The following RBFOX1 variants were observed in gnomAD, a reference collection of about 807,000 sequenced individuals.
RBFOX1 encodes RNA binding fox-1 homolog 1, also known as RNA binding protein fox-1 homolog 1.
A neutral mutation model predicts 57.7 loss-of-function variants in RBFOX1; 8 were observed. The ratio of observed to expected loss-of-function variants is 0.14; its 90% CI spans 0.08 to 0.25. RBFOX1 has a LOEUF of 0.25. Among genes scored for constraint, RBFOX1 ranks in the 10% least tolerant of loss-of-function variants. The probability of loss-of-function intolerance (pLI) is 1.00; values close to 1 mark genes in which losing one functional copy is unlikely to be tolerated. For missense variants in RBFOX1, 611 were observed against 548.5 expected, an observed-to-expected ratio of 1.11 and a Z score of -1.14; for synonymous variants, 326 against 222.4, an observed-to-expected ratio of 1.47 and a Z score of -4.15.
rs1599908734 is a variant in RBFOX1, at chr16:7,494,243, C to T, written c.28-23904C>T. On this transcript the variant is annotated intron_variant, in intron 4 of 15. Transcript: ENST00000550418. ...AGATGAGATTGGCCTTGCTGAAGCA[C>T]AGGCAAGCATCCCATTAAATGCTTT... Among the ~76,000 whole-genome samples, 8 of 152,286 alleles carry T rather than the reference C, an allele frequency of 5.3e-5. No individual in the cohort carries two copies. In the South Asian group the frequency reaches 1.5e-3, roughly 28 times the overall value.
chr16:7,570,736 G>C (rs1451840436), intron 5 of RBFOX1, among the ~76,000 whole-genome samples: 5 of 151,936 alleles, frequency 3.3e-5, no homozygotes, highest in African/African-American at 1.2e-4. Context: ...CCAATTTCTG[G>C]GTATATACCA....
At chr16:7,364,579 A>C (rs2097400399) in intron 4 of RBFOX1, among the ~76,000 whole-genome samples, 1 of 150,616 alleles carries the variant, frequency 6.6e-6, no homozygotes, top group Non-Finnish European at 1.5e-5. Context: ...GAAGACCAAA[A>C]AAAAAAAAAA....
chr16:7,663,154 C>T (rs1019152907), intron 12 of RBFOX1, among the ~76,000 whole-genome samples: 1 of 152,206 alleles, frequency 6.6e-6, no homozygotes, highest in Non-Finnish European at 1.5e-5. Context: ...TTTCATCAGA[C>T]CTTGGCAGAG....
At chr16:5,629,646 G>T (rs1198041086) in intron 3 of RBFOX1, among the ~76,000 whole-genome samples, 1 of 152,266 alleles carries the variant, frequency 6.6e-6, no homozygotes, top group South Asian at 2.1e-4. Context: ...TGGGGTCTTG[G>T]TATGATAATA....
rs142226707 is a variant in RBFOX1 at position 5,551,025 on chromosome 16, C to A, written c.259-47877C>A. Among the ~76,000 whole-genome samples the A allele has an allele frequency of 1.1e-3, 162 of 152,302 alleles. 1 individual carries two copies. Among genetic ancestry groups the A allele is most frequent in the African/African-American group, 3.7e-3 (155 of 41,566 alleles). On this transcript the variant is annotated intron_variant, in intron 2 of 2. Transcript: ENST00000585867. ...ACTCTCTGTAATAAAGCATATCAAA[C>A]GCTCAGGGAACTGTGGGGAGGCAAC...
intron 3 of RBFOX1, among the ~76,000 whole-genome samples, chr16:6,966,937 A>G (rs1285245945): frequency 5.7e-5 from 8 of 141,086 alleles, no homozygotes; most frequent in African/African-American, 2.2e-4. Context: ...CCATCCATCC[A>G]TTGGCCTACC....
chr16:7,160,608 T>A (rs79520245), intron 4 of RBFOX1, among the ~76,000 whole-genome samples: 7,391 of 152,280 alleles, frequency 0.049, 229 homozygotes, highest in Middle Eastern at 0.092. Context: ...AACAATTATT[T>A]TATGGCTTTC....
intron 3 of RBFOX1, among the ~76,000 whole-genome samples, chr16:6,691,486 C>G (rs12448285): frequency 0.5 from 75,324 of 151,984 alleles, 22,107 homozygotes; most frequent in Non-Finnish European, 0.64. Context: ...GTGGATGCCA[C>G]TCAAGTTTGG....
intron 1 of RBFOX1, among the ~76,000 whole-genome samples, chr16:6,053,663 TC>T (rs1441550665): frequency 6.6e-6 from 1 of 152,170 alleles, no homozygotes; most frequent in East Asian, 1.9e-4. Context: ...AAAACATTTT[TC>T]TGCTTGTAAT....
chr16:6,302,471 C>G (rs577085832), intron 1 of RBFOX1, among the ~76,000 whole-genome samples: 43 of 152,138 alleles, frequency 2.8e-4, no homozygotes, highest in Admixed American at 5.2e-4. Context: ...GTCAGATATC[C>G]CCTTCGACTA....
intron 4 of RBFOX1, among the ~76,000 whole-genome samples, chr16:7,427,183 G>A (rs2098628787): frequency 6.6e-6 from 1 of 152,156 alleles, no homozygotes; most frequent in Non-Finnish European, 1.5e-5. Flanking sequence ...GTTAATGGGT[G>A]CAGCACACCA....
chr16:7,597,153 G>T, intron 8 of RBFOX1: 1 of 428,740 alleles, frequency 2.3e-6, no homozygotes, highest in Non-Finnish European at 4.1e-6. Flanking sequence ...ATATGACATT[G>T]CTTTATTGAA....
chr16:7,551,635 G>T (rs1392294282), intron 5 of RBFOX1, among the ~76,000 whole-genome samples: 1 of 152,200 alleles, frequency 6.6e-6, no homozygotes, highest in Non-Finnish European at 1.5e-5. Flanking sequence ...GTGGAATACT[G>T]TGACCTGGAG....
At chr16:5,504,719 C>A (rs889042782) in intron 2 of RBFOX1, among the ~76,000 whole-genome samples, 29 of 152,352 alleles carry the variant, frequency 1.9e-4, no homozygotes, top group African/African-American at 6.7e-4. Context: ...CCATAATCCT[C>A]CCTGCAGCTC....
Position 5,369,724 on chromosome 16 carries a change from T to G in RBFOX1, c.220-97492T>G, listed in dbSNP as rs367764596. ...GGTGGGTCTCAGTCAGGATCCTTTG[T>G]GTGGTTGAAGCCACCCTTTCCCTTC... On this transcript the variant is annotated intron_variant, in intron 1 of 2. Transcript: ENST00000585867. 1.8e-4 allele frequency among the ~76,000 whole-genome samples: 27 copies of G among 152,316 alleles called. No individual in the cohort carries two copies. In the East Asian group the frequency reaches 3.7e-3, roughly 21 times the overall value.
intron 3 of RBFOX1, among the ~76,000 whole-genome samples, chr16:6,687,945 CT>C (rs1283647931): frequency 6.6e-6 from 1 of 152,190 alleles, no homozygotes; most frequent in Non-Finnish European, 1.5e-5. Flanking sequence ...TGAGTGAGAG[CT>C]TCAGAAATGA....
At chr16:5,948,175 T>G (rs13334261) in intron 4 of RBFOX1, among the ~76,000 whole-genome samples, 11,357 of 152,124 alleles carry the variant, frequency 0.075, 1,452 homozygotes, top group African/African-American at 0.26. Context: ...AGCCTCTGTT[T>G]GCTATAGAGG....
chr16:6,084,091 C>T (rs1395192286), intron 1 of RBFOX1, among the ~76,000 whole-genome samples: 2 of 152,126 alleles, frequency 1.3e-5, no homozygotes, highest in Admixed American at 1.3e-4. Flanking sequence ...CACTTAGGGG[C>T]CTGAGCTTTT....
intron 3 of RBFOX1, among the ~76,000 whole-genome samples, chr16:6,761,813 C>G (rs1309865397): frequency 2.0e-5 from 3 of 151,870 alleles, no homozygotes; most frequent in African/African-American, 4.8e-5. Context: ...CCCTCTCTCT[C>G]CTTGTTGCTA....
Sources: gnomAD v4.1 joint callset for allele counts (sites outside exome capture counted in the v4.1 genomes callset) on GRCh38, gnomAD v4.1.1 for gene constraint, MANE v1.5 for transcripts, NCBI Gene and HGNC (gene_info 2026-07-23, HGNC 2026-07-21) for gene names.